The following FDFT1 variants were observed in gnomAD, a reference collection of about 807,000 sequenced individuals.
FDFT1 encodes squalene synthase.
FDFT1 carries 68 observed loss-of-function variants against 46.8 expected under a neutral mutation model. That is an observed-to-expected ratio of 1.45 (90% CI 1.19 to 1.78). FDFT1 has a LOEUF of 1.78. FDFT1 is among the 40% of genes most tolerant of loss of function. The pLI is 0.00. For synonymous variants in FDFT1, 351 were observed against 185.1 expected (o/e 1.90, Z -7.28); for missense variants, 928 against 524.4 (o/e 1.77, Z -7.52).
At chr8:11,835,731 C>G (rs542471036) in intron 7 of FDFT1, among the ~76,000 whole-genome samples, 1 of 152,202 alleles carries the variant, frequency 6.6e-6, no homozygotes, top group East Asian at 1.9e-4. Context: ...ATAGGAGCCA[C>G]AGAATTAACC....
chr8:11,802,854 G>C lies in FDFT1; in HGVS notation c.22G>C (p.Gly8Arg). 1 of 1,611,506 alleles carries C rather than the reference G, an allele frequency of 6.2e-7. No homozygotes were observed. Among genetic ancestry groups the C allele is most frequent in the Non-Finnish European group, 8.5e-7 (1 of 1,178,786 alleles). The change falls in exon 1 of 8, where the codon GGC becomes CGC. Residue 8 changes from glycine (G) to arginine (R), a missense_variant. Physicochemically the swap from Gly to Arg is moderately radical, Grantham distance 125. Transcript: ENST00000220584. ...CAGGATGGAGTTCGTGAAATGCCTT[G>C]GCCACCCCGAAGAGTTCTACAACCT... MEFVKCL[G>R]HPEEFYNLVR...
intron 1 of FDFT1, 177 bp downstream of exon 1, chr8:11,803,108 C>A: frequency 7.0e-7 from 1 of 1,428,082 alleles, no homozygotes; most frequent in East Asian, 2.6e-5. Flanking sequence ...GTGGACGCGG[C>A]CGTCCTGGCT....
chr8:11,834,153 C>G (rs921549156), intron 7 of FDFT1, among the ~76,000 whole-genome samples: 1 of 152,174 alleles, frequency 6.6e-6, no homozygotes, highest in Admixed American at 6.5e-5. Context: ...AGTGTTGTAG[C>G]GAGCATGCAC....
At chr8:11,809,404 T>C in intron 2 of FDFT1, 1 of 1,211,188 alleles carries the variant, frequency 8.3e-7, no homozygotes, top group East Asian at 4.0e-5. Flanking sequence ...TAGTTCTACA[T>C]TGGTTAAATG....
At position 11,802,810 on chromosome 8, in the gene FDFT1, G is replaced by T; in HGVS notation, c.-23G>T. Reference sequence around the variant, plus strand: ...GACCGCAGAGGTGAGAGTCGCGCCCGGGAGTCCGCCGCCTGCGCCAGGATG... The same window carrying T: ...GACCGCAGAGGTGAGAGTCGCGCCCTGGAGTCCGCCGCCTGCGCCAGGATG... On this transcript the variant is annotated 5_prime_UTR_variant, in exon 1 of 8. Transcript: ENST00000220584. 6.3e-7 allele frequency: 1 copy of T among 1,588,662 alleles called. No individual in the cohort carries two copies. The highest frequency in any genetic ancestry group is 2.3e-5 in the East Asian group (1 of 44,310).
intron 3 of FDFT1, among the ~76,000 whole-genome samples, chr8:11,812,683 G>A (rs1157880882): frequency 6.6e-6 from 1 of 152,198 alleles, no homozygotes; most frequent in African/African-American, 2.4e-5. Context: ...CATATAGTAT[G>A]TGGGCCTCCA....
At chr8:11,806,312 T>C (rs969599249) in intron 1 of FDFT1, among the ~76,000 whole-genome samples, 21 of 152,190 alleles carry the variant, frequency 1.4e-4, no homozygotes, top group African/African-American at 4.8e-4. Flanking sequence ...CTTTCTCCCC[T>C]GGCTCATGGG....
chr8:11,809,141 A>T, intron 2 of FDFT1: 3 of 1,304,462 alleles, frequency 2.3e-6, no homozygotes. Context: ...AACTTTTTTT[A>T]GTCTTGGCAG....
chr8:11,814,404 C>G (rs1478448511), intron 3 of FDFT1, among the ~76,000 whole-genome samples: 1 of 151,752 alleles, frequency 6.6e-6, no homozygotes, highest in Admixed American at 6.6e-5. Context: ...AGCCGGCCAC[C>G]TGGTTTTCCT....
Position 11,826,121 on chromosome 8 carries a change from G to GT in FDFT1, c.609dup (p.Ala204CysfsTer16). 6.2e-7 allele frequency: 1 copy of GT among 1,609,318 alleles called. No homozygotes were observed. Among genetic ancestry groups the GT allele is most frequent in the Non-Finnish European group, 8.5e-7 (1 of 1,176,376 alleles). Reference sequence around the variant, plus strand: ...CCCTTAGTTGGTGAAGATACAGAACGTGCCAACTCTATGGGCCTGTTTTTG... The same window carrying GT: ...CCCTTAGTTGGTGAAGATACAGAACGTTGCCAACTCTATGGGCCTGTTTTTG... On this transcript the variant is annotated frameshift_variant, in exon 5 of 8. Coordinates refer to ENST00000220584, the MANE Select transcript of FDFT1 (RefSeq NM_004462.5). LOFTEE classifies it high-confidence loss of function.
chr8:11,832,410 C>G (rs1185009558), intron 7 of FDFT1, among the ~76,000 whole-genome samples: 1 of 151,470 alleles, frequency 6.6e-6, no homozygotes, highest in East Asian at 1.9e-4. Context: ...TAAAAATTGT[C>G]ATGGTGGTGC....
chr8:11,802,055 G>T (rs774516451), upstream of FDFT1: 1 of 455,774 alleles, frequency 2.2e-6, no homozygotes, highest in Non-Finnish European at 4.4e-6. Flanking sequence ...TCCTGTTACA[G>T]GCTCTCTAAG....
intron 1 of FDFT1, chr8:11,803,584 A>G (rs1459348109): frequency 4.0e-6 from 3 of 754,496 alleles, no homozygotes; most frequent in Middle Eastern, 6.0e-4. Flanking sequence ...TAATGAATGC[A>G]TAGGAGGTGT....
intron 5 of FDFT1, among the ~76,000 whole-genome samples, chr8:11,828,858 C>T (rs1254975788): frequency 3.3e-5 from 5 of 152,190 alleles, no homozygotes; most frequent in Non-Finnish European, 7.3e-5. Flanking sequence ...CTTTTTATCG[C>T]CTAGTATTAT....
chr8:11,808,729 CCCACT>C (rs1807256033), intron 1 of FDFT1, 60 bp from the exon 2 acceptor site: 10 of 1,574,600 alleles, frequency 6.4e-6, no homozygotes, highest in South Asian at 5.8e-5. Context: ...CACTCCCACT[CCCACT>C]CCCACTCCCA....
At chr8:11,804,504 A>T (rs369937932) in intron 1 of FDFT1, among the ~76,000 whole-genome samples, 2 of 151,932 alleles carry the variant, frequency 1.3e-5, no homozygotes, top group Non-Finnish European at 2.9e-5. Flanking sequence ...CAGTTTTTAC[A>T]TCCCCATGAG....
At chr8:11,815,773 T>G (rs1381094705) in intron 3 of FDFT1, among the ~76,000 whole-genome samples, 2 of 152,208 alleles carry the variant, frequency 1.3e-5, no homozygotes, top group Non-Finnish European at 2.9e-5. Context: ...ATACTACCCT[T>G]TGTTGGATGG....
intron 1 of FDFT1, among the ~76,000 whole-genome samples, chr8:11,796,575 G>A (rs1324678989): frequency 2.0e-5 from 3 of 152,188 alleles, no homozygotes; most frequent in South Asian, 2.1e-4. Context: ...GAAGCTTTAC[G>A]GTGGAAAAGG....
At chr8:11,803,260 T>C in intron 1 of FDFT1, 5 of 1,348,650 alleles carry the variant, frequency 3.7e-6, no homozygotes, top group Admixed American at 4.4e-5. Flanking sequence ...TCTGAGGCAA[T>C]GTGGGTGGGT....
Sources: allele counts gnomAD v4.1 joint callset (sites outside exome capture counted in the v4.1 genomes callset), GRCh38; gene constraint gnomAD v4.1.1; transcripts MANE v1.5; gene names NCBI Gene and HGNC (gene_info 2026-07-23, HGNC 2026-07-21).